MYO3A: variants seen among roughly 807,000 people sequenced by gnomAD.
The protein encoded by MYO3A is myosin IIIA.
In MYO3A, 180 loss-of-function variants were observed where a neutral mutation model predicts 192.7. The observed-to-expected ratio is 0.93, with a 90% CI of 0.83 to 1.06. The LOEUF is 1.06. Ranked by LOEUF, MYO3A falls within the 50% of genes least tolerant of loss-of-function variation. The pLI is 0.00. For synonymous variants in MYO3A, 628 were observed against 645.3 expected (o/e 0.97, Z 0.41); for missense variants, 1,896 against 1,905.0 (o/e 1.00, Z 0.09).
Position 26,125,548 on chromosome 10 carries a change from G to T in MYO3A, c.2054G>T (p.Arg685Leu). The T allele has an allele frequency of 6.2e-7, 1 of 1,613,976 alleles. No individual in the cohort carries two copies. The highest frequency in any genetic ancestry group is 1.1e-5 in the South Asian group (1 of 91,086). The change falls in exon 19 of 35, where the codon CGT becomes CTT. Residue 685 changes from arginine to leucine, a missense_variant. Arg to Leu is a moderately radical substitution (Grantham distance 102). Transcript: ENST00000642920. ...RDAMAKTLYG[R>L]LFSWIVNCIN... The stretch of plus-strand genomic sequence containing the variant: ...GCCATGGCTAAAACTTTATATGGAC[G>T]TCTCTTTAGTTGGATAGTCAATTGC...
chr10:26,061,422 A>C (rs17666458), intron 10 of MYO3A, among the ~76,000 whole-genome samples: 71,768 of 151,918 alleles, frequency 0.47, 17,794 homozygotes, highest in Middle Eastern at 0.59. Flanking sequence ...GTAATTTAAG[A>C]CTAACTTTGA....
chr10:26,031,122 A>G (rs1842784690), intron 10 of MYO3A, among the ~76,000 whole-genome samples: 1 of 152,250 alleles, frequency 6.6e-6, no homozygotes, highest in Admixed American at 6.5e-5. Flanking sequence ...GGGAATAGAT[A>G]AAAGTCATTT....
intron 6 of MYO3A, among the ~76,000 whole-genome samples, chr10:26,006,029 A>C (rs1398436400): frequency 2.0e-5 from 3 of 152,078 alleles, no homozygotes; most frequent in Non-Finnish European, 4.4e-5. Flanking sequence ...TCCAAAACTG[A>C]CTATTTTTCA....
intron 19 of MYO3A, among the ~76,000 whole-genome samples, chr10:26,127,576 G>C (rs1839290863): frequency 6.6e-6 from 1 of 152,128 alleles, no homozygotes; most frequent in African/African-American, 2.4e-5. Flanking sequence ...TCAGGTCACA[G>C]TGTGCAGTTG....
At chr10:26,095,858 G>A (rs572126752) in intron 15 of MYO3A, among the ~76,000 whole-genome samples, 1 of 152,302 alleles carries the variant, frequency 6.6e-6, no homozygotes, top group Admixed American at 6.5e-5. Flanking sequence ...GGGCTTTGGG[G>A]TCAAATAGAC....
intron 10 of MYO3A, among the ~76,000 whole-genome samples, chr10:26,064,917 A>G (rs1043799228): frequency 6.6e-6 from 1 of 152,192 alleles, no homozygotes; most frequent in African/African-American, 2.4e-5. Context: ...TCAAATAAGC[A>G]TTTAGATGCA....
At chr10:26,105,026 A>G (rs1363815850) in intron 17 of MYO3A, among the ~76,000 whole-genome samples, 1 of 152,082 alleles carries the variant, frequency 6.6e-6, no homozygotes, top group East Asian at 1.9e-4. Context: ...ATCCCTTCAA[A>G]TCACCAAATA....
At chr10:26,027,985 A>G (rs2368118) in intron 10 of MYO3A, among the ~76,000 whole-genome samples, 139,747 of 152,262 alleles carry the variant, frequency 0.92, 64,465 homozygotes, top group African/African-American at 0.98. Flanking sequence ...TTATTCTTGA[A>G]AATCCTATTT....
chr10:26,070,461 A>G (rs1244557444), intron 14 of MYO3A, 60 bp downstream of exon 14: 1 of 1,347,740 alleles, frequency 7.4e-7, no homozygotes, highest in Non-Finnish European at 1.1e-6. Context: ...ATAACTTAAT[A>G]TAACTGATTA....
chr10:25,945,001 C>T (rs1005102758), intron 2 of MYO3A, among the ~76,000 whole-genome samples: 3 of 151,854 alleles, frequency 2.0e-5, no homozygotes, highest in African/African-American at 7.2e-5. Context: ...TATTTTTCTT[C>T]CTTTTTAAAT....
intron 10 of MYO3A, among the ~76,000 whole-genome samples, chr10:26,030,563 C>T (rs1383909851): frequency 2.0e-5 from 3 of 151,506 alleles, no homozygotes; most frequent in Non-Finnish European, 4.4e-5. Flanking sequence ...TAAACAAAAG[C>T]TGTCTTCTTG....
intron 27 of MYO3A, among the ~76,000 whole-genome samples, chr10:26,166,706 G>A (rs1237589101): frequency 6.0e-4 from 91 of 152,288 alleles, no homozygotes; most frequent in Non-Finnish European, 3.1e-4. Context: ...AAAAGCTGTA[G>A]AGAATCATAA....
At chr10:26,098,250 G>C (rs1837184978) in intron 17 of MYO3A, among the ~76,000 whole-genome samples, 1 of 152,152 alleles carries the variant, frequency 6.6e-6, no homozygotes, top group African/African-American at 2.4e-5. Flanking sequence ...CCCACTTTTT[G>C]ATGGGGTTGT....
At chr10:26,204,413 C>T (rs1436935972) in intron 34 of MYO3A, 1 of 152,206 alleles carries the variant, frequency 6.6e-6, no homozygotes, top group Non-Finnish European at 1.5e-5. Flanking sequence ...GCTATGAAAG[C>T]GTTCTATTCC....
chr10:26,158,971 CCTT>C (rs745757717), intron 26 of MYO3A, among the ~76,000 whole-genome samples: 5 of 151,928 alleles, frequency 3.3e-5, no homozygotes, highest in Admixed American at 2.6e-4. Context: ...AACCAAGACT[CCTT>C]CTAAATGTGA....
intron 10 of MYO3A, among the ~76,000 whole-genome samples, chr10:26,064,572 T>G (rs1240546649): frequency 6.6e-6 from 1 of 152,098 alleles, no homozygotes; most frequent in Non-Finnish European, 1.5e-5. Context: ...AAGATCACTC[T>G]GGCTGCAGTG....
At chr10:26,171,969 A>T (rs1221835508) in intron 29 of MYO3A, among the ~76,000 whole-genome samples, 2 of 152,218 alleles carry the variant, frequency 1.3e-5, no homozygotes, top group Non-Finnish European at 2.9e-5. Flanking sequence ...TCTACTGCAC[A>T]CAAGATCCAC....
intron 17 of MYO3A, among the ~76,000 whole-genome samples, chr10:26,118,735 G>A (rs1838671090): frequency 6.6e-6 from 1 of 151,892 alleles, no homozygotes; most frequent in Admixed American, 6.6e-5. Context: ...GGGTTCAAGT[G>A]ATTCTCCTGC....
At chr10:25,995,943 G>A (rs143483552) in intron 4 of MYO3A, among the ~76,000 whole-genome samples, 2,256 of 152,358 alleles carry the variant, frequency 0.015, 20 homozygotes, top group Non-Finnish European at 0.018. Flanking sequence ...AAGGCAACTC[G>A]GGGGTCAGGG....
Sources: allele counts gnomAD v4.1 joint callset (sites outside exome capture counted in the v4.1 genomes callset), GRCh38; gene constraint gnomAD v4.1.1; transcripts MANE v1.5; gene names NCBI Gene and HGNC (gene_info 2026-07-23, HGNC 2026-07-21).